Variants in SAXO1 observed in about 807,000 individuals in gnomAD.
SAXO1 encodes the protein stabilizer of axonemal microtubules 1.
In SAXO1, 21 loss-of-function variants were observed where a neutral mutation model predicts 17.5. That is an observed-to-expected ratio of 1.20 (90% CI 0.85 to 1.72). The LOEUF (loss-of-function observed/expected upper bound fraction) is 1.72. Ranked by LOEUF, SAXO1 falls within the 40% of genes most tolerant of loss-of-function variation. The pLI, the probability that SAXO1 is intolerant of heterozygous loss-of-function variation, is 0.00. For synonymous variants in SAXO1, 274 were observed against 216.5 expected (o/e 1.27, Z -2.33); for missense variants, 843 against 596.0 (o/e 1.41, Z -4.32).
intron 2 of SAXO1, among the ~76,000 whole-genome samples, chr9:18,945,549 A>C (rs1478099975): frequency 6.6e-6 from 1 of 152,216 alleles, no homozygotes; most frequent in East Asian, 1.9e-4. Context: ...ATTGTGCTGC[A>C]AAAGATCCTT....
intron 3 of SAXO1, among the ~76,000 whole-genome samples, chr9:18,938,498 A>T (rs1294869078): frequency 6.6e-6 from 1 of 152,022 alleles, no homozygotes; most frequent in Non-Finnish European, 1.5e-5. Context: ...AGCAGATCTC[A>T]GGGGAACTCA....
rs1446839307 is a variant in SAXO1, at chr9:19,028,809, C to G, written c.38+4062G>C. On this transcript the variant is annotated intron_variant, in intron 1 of 3. Transcript: ENST00000380534. ...GAAAAGTTTTACAAGTGATTGGAAT[C>G]TTTAAATTTAGACATTTGAAACACT... 8.5e-5 allele frequency among the ~76,000 whole-genome samples: 13 copies of G among 152,094 alleles called. 1 individual carries two copies. Among genetic ancestry groups the G allele is most frequent in the Admixed American group, 8.5e-4 (13 of 15,264 alleles).
At chr9:19,023,018 G>A (rs897464005) in intron 1 of SAXO1, among the ~76,000 whole-genome samples, 1 of 152,116 alleles carries the variant, frequency 6.6e-6, no homozygotes, top group African/African-American at 2.4e-5. Context: ...ATAAATGCTG[G>A]ACTCAAGTGT....
intron 1 of SAXO1, among the ~76,000 whole-genome samples, chr9:19,019,831 A>C (rs1008243880): frequency 6.6e-6 from 1 of 152,162 alleles, no homozygotes; most frequent in Non-Finnish European, 1.5e-5. Flanking sequence ...ACTTTCACGC[A>C]ATGACCACTC....
At chr9:18,984,964 G>C (rs1292906845) in intron 1 of SAXO1, among the ~76,000 whole-genome samples, 2 of 152,018 alleles carry the variant, frequency 1.3e-5, no homozygotes. Flanking sequence ...TTTCACATAA[G>C]CACTTAGAAA....
intron 3 of SAXO1, among the ~76,000 whole-genome samples, chr9:18,933,220 C>G (rs1021297576): frequency 9.2e-5 from 14 of 152,194 alleles, no homozygotes; most frequent in African/African-American, 3.4e-4. Flanking sequence ...TAGTCCTAAG[C>G]TTGTTGAGAG....
At chr9:18,994,573 C>T (rs749340091) in intron 1 of SAXO1, among the ~76,000 whole-genome samples, 11 of 152,100 alleles carry the variant, frequency 7.2e-5, no homozygotes, top group African/African-American at 1.4e-4. Flanking sequence ...ATGTGGCTTC[C>T]GGCAGGGAAG....
intron 1 of SAXO1, among the ~76,000 whole-genome samples, chr9:19,023,823 G>A (rs1835353006): frequency 6.6e-6 from 1 of 151,894 alleles, no homozygotes; most frequent in Non-Finnish European, 1.5e-5. Flanking sequence ...GGAAAGAAAG[G>A]AAGGAAAGGG....
At chr9:19,020,636 G>A (rs962325718) in intron 1 of SAXO1, among the ~76,000 whole-genome samples, 1 of 152,176 alleles carries the variant, frequency 6.6e-6, no homozygotes, top group African/African-American at 2.4e-5. Flanking sequence ...TAGGATTACA[G>A]GTGTGAGCCA....
At chr9:19,043,200 A>G (rs1314217527) in intron 1 of SAXO1, among the ~76,000 whole-genome samples, 2 of 152,088 alleles carry the variant, frequency 1.3e-5, no homozygotes, top group African/African-American at 2.4e-5. Context: ...GTACATATAC[A>G]CTATTCAGCC....
intron 1 of SAXO1, among the ~76,000 whole-genome samples, chr9:19,029,551 C>A (rs111977398): frequency 6.6e-6 from 1 of 152,138 alleles, no homozygotes; most frequent in Non-Finnish European, 1.5e-5. Flanking sequence ...CCATCCCAAC[C>A]GGTCACTGAG....
intron 1 of SAXO1, chr9:19,027,836 G>C: frequency 6.9e-7 from 1 of 1,448,530 alleles, no homozygotes; most frequent in Non-Finnish European, 9.6e-7. Flanking sequence ...CACAAACCGG[G>C]TGGACATCCT....
chr9:19,027,900 G>A, intron 1 of SAXO1: 2 of 1,377,622 alleles, frequency 1.5e-6, no homozygotes, highest in Non-Finnish European at 2.0e-6. Context: ...GAGTGCCTGG[G>A]CCAGAATCAT....
intron 1 of SAXO1, among the ~76,000 whole-genome samples, chr9:18,992,451 C>T (rs181170902): frequency 5.9e-5 from 9 of 152,320 alleles, no homozygotes; most frequent in East Asian, 1.9e-4. Flanking sequence ...TTAGGGCCCA[C>T]GCTAATGAGC....
At chr9:18,967,715 C>T (rs773906319) in intron 1 of SAXO1, among the ~76,000 whole-genome samples, 9 of 152,056 alleles carry the variant, frequency 5.9e-5, no homozygotes, top group Non-Finnish European at 1.2e-4. Context: ...CAAGACCATT[C>T]GGCTCCCTGG....
intron 1 of SAXO1, among the ~76,000 whole-genome samples, chr9:18,956,684 T>C (rs908545966): frequency 3.9e-5 from 6 of 152,202 alleles, no homozygotes; most frequent in African/African-American, 1.4e-4. Flanking sequence ...AGATAACAAT[T>C]TCTACTACTT....
intron 1 of SAXO1, among the ~76,000 whole-genome samples, chr9:18,967,873 G>T (rs541075675): frequency 6.6e-6 from 1 of 152,254 alleles, no homozygotes; most frequent in Non-Finnish European, 1.5e-5. Flanking sequence ...GAGCCCTGGT[G>T]GTATAGGCAC....
intron 1 of SAXO1, among the ~76,000 whole-genome samples, chr9:18,955,724 C>T (rs1832231569): frequency 1.3e-5 from 2 of 152,118 alleles, no homozygotes; most frequent in South Asian, 4.1e-4. Context: ...ACTTGGAACA[C>T]TAGCTGCAGC....
intron 1 of SAXO1, among the ~76,000 whole-genome samples, chr9:18,976,923 A>T (rs1239198326): frequency 6.6e-6 from 1 of 152,222 alleles, no homozygotes; most frequent in Non-Finnish European, 1.5e-5. Flanking sequence ...CAAAACCACA[A>T]ACCAAAACAA....
Sources: gnomAD v4.1 joint callset for allele counts (sites outside exome capture counted in the v4.1 genomes callset) on GRCh38, gnomAD v4.1.1 for gene constraint, MANE v1.5 for transcripts, NCBI Gene and HGNC (gene_info 2026-07-23, HGNC 2026-07-21) for gene names.